Variants in FAM53B observed in about 807,000 individuals in gnomAD.
FAM53B encodes family with sequence similarity 53 member B.
In FAM53B, 12 loss-of-function variants were observed where a neutral mutation model predicts 32.7. The observed-to-expected ratio is 0.37, with a 90% CI of 0.24 to 0.59. FAM53B has a LOEUF of 0.59. Ranked by LOEUF, FAM53B falls within the 20% of genes least tolerant of loss-of-function variation. The pLI is 0.72. For missense variants in FAM53B, 477 were observed against 577.7 expected (o/e 0.83, Z 1.79); for synonymous variants, 234 against 228.7 (o/e 1.02, Z -0.21).
intron 4 of FAM53B, among the ~76,000 whole-genome samples, chr10:124,669,780 C>T (rs1949695766): frequency 6.6e-6 from 1 of 152,200 alleles, no homozygotes; most frequent in African/African-American, 2.4e-5. Context: ...ACTCACCGCT[C>T]TGCCACGCAG....
At chr10:124,726,535 AGGCAAT>A (rs1950104877) in intron 1 of FAM53B, among the ~76,000 whole-genome samples, 1 of 152,268 alleles carries the variant, frequency 6.6e-6, no homozygotes, top group Admixed American at 6.5e-5. Flanking sequence ...AAGGGCTTTC[AGGCAAT>A]GGATTGACAA....
chr10:124,636,544 G>A (rs1286596495), intron 4 of FAM53B, among the ~76,000 whole-genome samples: 1 of 152,186 alleles, frequency 6.6e-6, no homozygotes, highest in Non-Finnish European at 1.5e-5. Flanking sequence ...GGAGATCCCA[G>A]GAAAACACTG....
chr10:124,622,922 C>A lies in FAM53B; in HGVS notation c.*320G>T. ...CGGTGCCCAGCTCTGCCGGGGACAA[C>A]AGAGACTGCCCAACATCCCACAGGG... is the stretch of plus-strand genomic sequence containing the variant. On this transcript the variant is annotated 3_prime_UTR_variant, in exon 5 of 5. Transcript: ENST00000337318. 1 of 278,202 alleles carries A rather than the reference C, an allele frequency of 3.6e-6. No homozygotes were observed. Among genetic ancestry groups the A allele is most frequent in the Non-Finnish European group, 6.8e-6 (1 of 146,986 alleles). 17.2% of individuals were successfully genotyped at this position (278,202 alleles called of 1,614,324 possible). A position where few individuals can be genotyped will look rare whatever the true frequency, so the allele number is the denominator to read the frequency against.
intron 2 of FAM53B, among the ~76,000 whole-genome samples, chr10:124,697,066 G>A (rs1443343254): frequency 6.6e-6 from 1 of 152,078 alleles, no homozygotes; most frequent in African/African-American, 2.4e-5. Flanking sequence ...GTGATACCCA[G>A]GTCAAGAGGC....
chr10:124,669,726 A>T (rs774746842), intron 4 of FAM53B, among the ~76,000 whole-genome samples: 8 of 152,152 alleles, frequency 5.3e-5, no homozygotes, highest in Non-Finnish European at 8.8e-5. Context: ...CTATGGAGAC[A>T]TGGGGGCCCA....
intron 4 of FAM53B, among the ~76,000 whole-genome samples, chr10:124,670,644 C>G (rs1420566064): frequency 1.3e-5 from 2 of 152,222 alleles, no homozygotes; most frequent in African/African-American, 2.4e-5. Flanking sequence ...CTTGCCTTCC[C>G]TCTACTCAGG....
At chr10:124,718,959 C>G (rs1466100336) in intron 1 of FAM53B, among the ~76,000 whole-genome samples, 1 of 151,706 alleles carries the variant, frequency 6.6e-6, no homozygotes, top group Non-Finnish European at 1.5e-5. Flanking sequence ...GAGTAGGGAG[C>G]CAGGAAGGTC....
At chr10:124,664,569 G>A (rs796934725) in intron 4 of FAM53B, among the ~76,000 whole-genome samples, 64 of 152,292 alleles carry the variant, frequency 4.2e-4, no homozygotes, top group African/African-American at 1.4e-3. Context: ...AGAACTCTGC[G>A]CAGATGGCAC....
At position 124,682,595 on chromosome 10, in the gene FAM53B, C is replaced by A. The variant is rs966300039; in HGVS notation, c.134-216G>T. Among the ~76,000 whole-genome samples the A allele has an allele frequency of 5.9e-5, 9 of 152,206 alleles. No individual in the cohort carries two copies. The highest frequency in any genetic ancestry group is 1.2e-4 in the Non-Finnish European group (8 of 68,032). Reference sequence around the variant, plus strand: ...TTTGAGTTGGAAGTTGGAAGCAGAGCAGGGCCTAGAATCCAGATATACCCC... The same window carrying A: ...TTTGAGTTGGAAGTTGGAAGCAGAGAAGGGCCTAGAATCCAGATATACCCC... On this transcript the variant is annotated intron_variant, in intron 3 of 4. Transcript: ENST00000337318. This position sits in a 1 kb window ranked among gnomAD's most constrained non-coding sequence, Gnocchi z 5.2.
intron 2 of FAM53B, among the ~76,000 whole-genome samples, chr10:124,704,555 G>A (rs1404477863): frequency 6.6e-6 from 1 of 152,204 alleles, no homozygotes; most frequent in Non-Finnish European, 1.5e-5. Context: ...ACTGTGGGGA[G>A]AGGGCTCCAG....
chr10:124,741,429 G>C (rs545259081), intron 1 of FAM53B, among the ~76,000 whole-genome samples: 1 of 152,302 alleles, frequency 6.6e-6, no homozygotes, highest in South Asian at 2.1e-4. Context: ...CGAGCGGTGG[G>C]TGAGAAGAGT....
At position 124,657,108 on chromosome 10, in the gene FAM53B, A is replaced by G. The variant is rs61342673; in HGVS notation, c.906+24499T>C. On this transcript the variant is annotated intron_variant, in intron 4 of 4. Coordinates refer to ENST00000337318, the MANE Select transcript of FAM53B (RefSeq NM_014661.4). Reference sequence around the variant, plus strand: ...TGTGTGTATATATATGTGTATATATATGTGTGTGTGTATATATATGTGTGT... The same window carrying G: ...TGTGTGTATATATATGTGTATATATGTGTGTGTGTGTATATATATGTGTGT... Among the ~76,000 whole-genome samples, 541 of 136,920 alleles carry G rather than the reference A, an allele frequency of 4.0e-3. 4 individuals are homozygous for G. The highest frequency in any genetic ancestry group is 0.013 in the African/African-American group (508 of 38,088). The allele number at this position is 136,920 out of a possible 152,430, so 89.8% of individuals were successfully genotyped here.
chr10:124,626,628 A>G (rs980929394), intron 4 of FAM53B, among the ~76,000 whole-genome samples: 3 of 152,116 alleles, frequency 2.0e-5, no homozygotes, highest in Non-Finnish European at 4.4e-5. Context: ...TAAGAAATAC[A>G]TTTCTGCGGT....
At chr10:124,704,426 C>T (rs1303923828) in intron 2 of FAM53B, 1 of 152,188 alleles carries the variant, frequency 6.6e-6, no homozygotes, top group Non-Finnish European at 1.5e-5. Flanking sequence ...GCTAAGTGCC[C>T]AAGAGGGAAA....
At chr10:124,724,915 G>T (rs554527739) in intron 1 of FAM53B, among the ~76,000 whole-genome samples, 17 of 152,314 alleles carry the variant, frequency 1.1e-4, no homozygotes, top group African/African-American at 4.1e-4. Flanking sequence ...AAAGCACAAG[G>T]GCCAATGTGC....
chr10:124,734,902 T>G (rs1490560048), intron 1 of FAM53B, among the ~76,000 whole-genome samples: 1 of 152,228 alleles, frequency 6.6e-6, no homozygotes, highest in Non-Finnish European at 1.5e-5. Context: ...CGGCACAGCC[T>G]GGACCCTTCC....
chr10:124,720,543 T>C (rs962142724), intron 1 of FAM53B, among the ~76,000 whole-genome samples: 1 of 152,160 alleles, frequency 6.6e-6, no homozygotes, highest in African/African-American at 2.4e-5. Context: ...GGGATCAGAA[T>C]TGATGAAATT....
At chr10:124,667,575 G>A (rs772449889) in intron 4 of FAM53B, among the ~76,000 whole-genome samples, 11 of 152,190 alleles carry the variant, frequency 7.2e-5, no homozygotes, top group African/African-American at 9.6e-5. Flanking sequence ...GAGGAGGACC[G>A]GGCAGGGCTG....
chr10:124,679,534 T>C (rs1203737772), intron 4 of FAM53B, among the ~76,000 whole-genome samples: 1 of 152,300 alleles, frequency 6.6e-6, no homozygotes, highest in Admixed American at 6.5e-5. Context: ...CAGAGCCCCA[T>C]GGAGAGAGGG....
Sources: gnomAD v4.1 joint callset for allele counts (sites outside exome capture counted in the v4.1 genomes callset) on GRCh38, gnomAD v4.1.1 for gene constraint, Gnocchi (gnomAD v3.1) non-coding constraint, MANE v1.5 for transcripts, NCBI Gene and HGNC (gene_info 2026-07-23, HGNC 2026-07-21) for gene names.